Variants in UBE4A observed in about 807,000 individuals in gnomAD.
UBE4A encodes the protein ubiquitin conjugation factor E4 A.
In UBE4A, 48 loss-of-function variants were observed where a neutral mutation model predicts 117.9. The ratio of observed to expected loss-of-function variants is 0.41; its 90% CI spans 0.32 to 0.52. The LOEUF is 0.52. Ranked by LOEUF, UBE4A falls within the 20% of genes least tolerant of loss-of-function variation. The pLI is 0.33. For synonymous variants in UBE4A, 407 were observed against 450.0 expected, an observed-to-expected ratio of 0.90 and a Z score of 1.21; for missense variants, 1,067 against 1,296.3, an observed-to-expected ratio of 0.82 and a Z score of 2.72.
chr11:118,363,606 CT>C (rs199847839), intron 1 of UBE4A, among the ~76,000 whole-genome samples: 25,566 of 123,120 alleles, frequency 0.21, 2,548 homozygotes, highest in East Asian at 0.52. Flanking sequence ...ACCACATTAG[CT>C]TTTTTTTTTT....
Position 118,359,634 on chromosome 11 carries a change from G to A in UBE4A, c.-82G>A, listed in dbSNP as rs1272295575. ...CGGAAGTGGGAACCCTTCGGCCGCT[G>A]AGATTCTGTCGTGTCGTCGCTGCTG... On this transcript the variant is annotated 5_prime_UTR_variant, in exon 1 of 20. Transcript: ENST00000252108. 3.3e-5 allele frequency: 5 copies of A among 152,290 alleles called. No homozygotes were observed. The highest frequency in any genetic ancestry group is 9.6e-5 in the African/African-American group (4 of 41,470). The allele number at this position is 152,290 out of a possible 1,614,324, so 9.4% of individuals were successfully genotyped here.
intron 6 of UBE4A, 50 bp from the exon 7 acceptor site, chr11:118,373,036 C>A: frequency 6.7e-7 from 1 of 1,493,926 alleles, no homozygotes; most frequent in Non-Finnish European, 9.3e-7. Context: ...TGTGTAAAGG[C>A]ATATAAAAAT....
Position 118,363,606 on chromosome 11 carries a change from C to CTTT in UBE4A, c.-41-1413_-41-1411dup, listed in dbSNP as rs199847839. On this transcript the variant is annotated intron_variant, in intron 1 of 19. Coordinates refer to ENST00000252108, the MANE Select transcript of UBE4A (RefSeq NM_001204077.2). ...AGGGTAACTTTTTCGACCACATTAG[C>CTTT]TTTTTTTTTTTTTTTTTTTTTTTGA... Among the ~76,000 whole-genome samples, 292 of 122,822 alleles carry CTTT rather than the reference C, an allele frequency of 2.4e-3. 2 individuals are homozygous for CTTT. Among genetic ancestry groups the CTTT allele is most frequent in the Non-Finnish European group, 2.6e-3 (153 of 59,240 alleles). The allele number at this position is 122,822 out of a possible 152,430, so 80.6% of individuals were successfully genotyped here.
chr11:118,373,939 C>G (rs1055110291), intron 8 of UBE4A, among the ~76,000 whole-genome samples: 3 of 151,758 alleles, frequency 2.0e-5, no homozygotes, highest in Non-Finnish European at 2.9e-5. Flanking sequence ...CAGTGAGACC[C>G]CCATGTCTAC....
At chr11:118,389,408 G>A (rs1555127820) in intron 16 of UBE4A, among the ~76,000 whole-genome samples, 2 of 152,236 alleles carry the variant, frequency 1.3e-5, no homozygotes, top group Middle Eastern at 3.4e-3. Context: ...GATCATTTTT[G>A]TTTAAAAAAT....
chr11:118,380,908 C>T (rs781874044), intron 11 of UBE4A, among the ~76,000 whole-genome samples: 1 of 152,188 alleles, frequency 6.6e-6, no homozygotes, highest in African/African-American at 2.4e-5. Flanking sequence ...ATACCCTAAT[C>T]TTGGAAATGA....
At chr11:118,374,709 GCTGAT>G (rs1489348186) in intron 8 of UBE4A, among the ~76,000 whole-genome samples, 182 bp from the exon 9 acceptor site, 1 of 152,220 alleles carries the variant, frequency 6.6e-6, no homozygotes, top group Non-Finnish European at 1.5e-5. Context: ...CAGTTGGGCA[GCTGAT>G]CAGAAAATCT....
At chr11:118,374,129 C>T (rs531030336) in intron 8 of UBE4A, among the ~76,000 whole-genome samples, 1,568 of 152,084 alleles carry the variant, frequency 0.01, 11 homozygotes, top group Non-Finnish European at 0.017. Context: ...AAAAAAATCC[C>T]CTCTTTGTAG....
At chr11:118,396,031 C>T (rs1358685879) in intron 19 of UBE4A, among the ~76,000 whole-genome samples, 3 of 151,482 alleles carry the variant, frequency 2.0e-5, no homozygotes, top group East Asian at 1.9e-4. Flanking sequence ...GCAGAGATAA[C>T]GCCACTGCAC....
At chr11:118,376,381 G>A in intron 9 of UBE4A, among the ~76,000 whole-genome samples, 193 bp from the exon 10 acceptor site, 1 of 152,258 alleles carries the variant, frequency 6.6e-6, no homozygotes, top group East Asian at 1.9e-4. Flanking sequence ...AATTTTTGGT[G>A]ATTTCATGAA....
chr11:118,376,366 C>A (rs1555125362), intron 9 of UBE4A, among the ~76,000 whole-genome samples: 1 of 152,046 alleles, frequency 6.6e-6, no homozygotes, highest in Non-Finnish European at 1.5e-5. Flanking sequence ...AGTAGTATTC[C>A]TTTTAATTTT....
At chr11:118,382,549 T>C in intron 12 of UBE4A, 40 bp from the exon 13 acceptor site, 4 of 1,458,156 alleles carry the variant, frequency 2.7e-6, no homozygotes, top group Non-Finnish European at 3.7e-6. Flanking sequence ...AATTTGGAGT[T>C]AAGCTTATCT....
chr11:118,376,687 T>C lies in UBE4A; in HGVS notation c.1564T>C (p.Phe522Leu), dbSNP rs782061305. 2.3e-5 allele frequency: 37 copies of C among 1,613,474 alleles called. No homozygotes were observed. Among genetic ancestry groups the C allele is most frequent in the Non-Finnish European group, 2.9e-5 (34 of 1,179,784 alleles). ...GACAGAGTACACCTTGTACTTGGGATTTCACAGGTAACTCCTCTGATGTCA... is the reference window on the plus strand; with the variant it reads ...GACAGAGTACACCTTGTACTTGGGACTTCACAGGTAACTCCTCTGATGTCA... The part of the protein sequence containing the change: ...ALTEYTLYLG[F>L]HRLHDQMVKI... The change falls in exon 10 of 20, where the codon TTT becomes CTT. Residue 522 changes from phenylalanine (F) to leucine (L), a missense_variant. By Grantham distance (22) the Phe-to-Leu change is conservative. Coordinates refer to ENST00000252108, the MANE Select transcript of UBE4A (RefSeq NM_001204077.2).
At chr11:118,361,771 C>T (rs935615254) in intron 1 of UBE4A, among the ~76,000 whole-genome samples, 2 of 152,120 alleles carry the variant, frequency 1.3e-5, no homozygotes, top group African/African-American at 4.8e-5. Flanking sequence ...AAGCCCTTAC[C>T]TTGAAGTAGG....
rs1197028477 is a variant in UBE4A, at chr11:118,379,514, A to C, written c.1640A>C (p.Gln547Pro). ...HRLQVAWRDAQQSSSPAADNL... is the reference protein window; with the variant it reads ...HRLQVAWRDAPQSSSPAADNL... Reference sequence around the variant, plus strand: ...CTGCAGGTTGCCTGGCGGGATGCTCAGCAAAGTTCTAGCCCTGCTGCTGAC... The same window carrying C: ...CTGCAGGTTGCCTGGCGGGATGCTCCGCAAAGTTCTAGCCCTGCTGCTGAC... The change falls in exon 11 of 20, where the codon CAG becomes CCG. Residue 547 changes from glutamine to proline, a missense_variant. This residue lies in a region of UBE4A where 1,001 missense variants were observed against 1,184.0 expected (regional missense o/e 0.85). Transcript: ENST00000252108. 6.2e-7 allele frequency: 1 copy of C among 1,614,234 alleles called. No individual in the cohort carries two copies. Among genetic ancestry groups the C allele is most frequent in the Non-Finnish European group, 8.5e-7 (1 of 1,180,030 alleles).
chr11:118,373,059 C>A (rs1341174917), intron 6 of UBE4A, 27 bp from the exon 7 acceptor site: 1 of 1,608,758 alleles, frequency 6.2e-7, no homozygotes, highest in East Asian at 2.2e-5. Context: ...TTGTGCCCTC[C>A]TTTCTCTCTC....
intron 1 of UBE4A, among the ~76,000 whole-genome samples, chr11:118,360,276 T>C (rs892036022): frequency 2.0e-5 from 3 of 152,180 alleles, no homozygotes; most frequent in Non-Finnish European, 2.9e-5. Flanking sequence ...CCTTTTAGGA[T>C]CAGTTTTATG....
chr11:118,385,417 G>A (rs1273472437), intron 15 of UBE4A, among the ~76,000 whole-genome samples: 1 of 152,136 alleles, frequency 6.6e-6, no homozygotes, highest in Non-Finnish European at 1.5e-5. Flanking sequence ...TCTGATTTGG[G>A]TTATTTTTTC....
intron 1 of UBE4A, among the ~76,000 whole-genome samples, chr11:118,361,461 G>T (rs1044266455): frequency 1.3e-5 from 2 of 152,076 alleles, no homozygotes; most frequent in Admixed American, 6.5e-5. Context: ...ATCTAAACTG[G>T]CATCTCCACA....
Sources: allele counts gnomAD v4.1 joint callset (sites outside exome capture counted in the v4.1 genomes callset), GRCh38; gene constraint gnomAD v4.1.1; regional missense constraint gnomAD v4.1.1; transcripts MANE v1.5; gene names NCBI Gene and HGNC (gene_info 2026-07-23, HGNC 2026-07-21).